SH3KBP1: variants seen among roughly 807,000 people sequenced by gnomAD.
The protein encoded by SH3KBP1 is SH3 domain-containing kinase-binding protein 1.
In SH3KBP1, 8 loss-of-function variants were observed where a neutral mutation model predicts 50.1. That is an observed-to-expected ratio of 0.16 (90% CI 0.09 to 0.29). The LOEUF is 0.29. SH3KBP1 is among the 10% of genes least tolerant of loss of function. SH3KBP1 has a pLI of 1.00. For synonymous variants in SH3KBP1, 227 were observed against 218.6 expected (o/e 1.04, Z -0.34); for missense variants, 377 against 535.2 (o/e 0.70, Z 2.92).
intron 7 of SH3KBP1, among the ~76,000 whole-genome samples, chrX:19,632,582 T>G (rs1371549979): frequency 2.7e-5 from 3 of 112,553 alleles, no homozygotes; most frequent in Non-Finnish European, 5.6e-5. Flanking sequence ...CCATGGCCTT[T>G]CTGTGGGAAC....
At chrX:19,673,544 C>T (rs1046703564) in intron 6 of SH3KBP1, among the ~76,000 whole-genome samples, 1 of 111,250 alleles carries the variant, frequency 9.0e-6, no homozygotes, top group Non-Finnish European at 1.9e-5. Flanking sequence ...ATGAGGTGGG[C>T]CCATCTGCCC....
chrX:19,557,793 T>C (rs991461557), intron 13 of SH3KBP1, among the ~76,000 whole-genome samples: 3 of 111,666 alleles, frequency 2.7e-5, no homozygotes, highest in African/African-American at 9.8e-5. Context: ...GGGTGGAAAA[T>C]AGCCACATTC....
At chrX:19,871,727 C>T (rs1457965244) in intron 1 of SH3KBP1, among the ~76,000 whole-genome samples, 2 of 111,353 alleles carry the variant, frequency 1.8e-5, no homozygotes, top group Non-Finnish European at 3.8e-5. Context: ...GCCACCCTTA[C>T]GTGGTGCCCT....
intron 6 of SH3KBP1, among the ~76,000 whole-genome samples, chrX:19,654,001 G>A (rs922469965): frequency 1.8e-5 from 2 of 110,795 alleles, no homozygotes; most frequent in Admixed American, 1.9e-4. Context: ...ATATTTATTT[G>A]TCTTTTAGGG....
intron 2 of SH3KBP1, among the ~76,000 whole-genome samples, chrX:19,822,871 C>T (rs1430067033): frequency 8.9e-6 from 1 of 112,144 alleles, no homozygotes; most frequent in Non-Finnish European, 1.9e-5. Flanking sequence ...AGAGCCCTTG[C>T]AGTACTATTC....
chrX:19,609,356 G>T (rs780788930), intron 8 of SH3KBP1, among the ~76,000 whole-genome samples: 1 of 111,524 alleles, frequency 9.0e-6, no homozygotes, highest in African/African-American at 3.3e-5. Context: ...AAAATTCCTT[G>T]AATAAAATCC....
rs1025651090 is a variant in SH3KBP1, at chrX:19,588,372, C to G, written c.1298+271G>C. ...TTCTAATAAGGCCCAGGAAAAACCC[C>G]TGTGTGTGAGCAGGGCCTAAATGCT... On this transcript the variant is annotated intron_variant, in intron 12 of 17. Transcript: ENST00000397821. 1.3e-5 allele frequency: 14 copies of G among 1,088,670 alleles called. No homozygotes were observed. In the African/African-American group the frequency reaches 2.2e-4, roughly 17 times the overall value. 89.7% of individuals were successfully genotyped at this position (1,088,670 alleles called of 1,213,427 possible). A position where few individuals can be genotyped will look rare whatever the true frequency, so the allele number is the denominator to read the frequency against.
rs140313361 is a variant in SH3KBP1 at position 19,667,023 on chromosome X, G to T, written c.726+16800C>A. The stretch of plus-strand genomic sequence containing the variant: ...TGAAATAATACTCAGCCTTAAAAAC[G>T]AAAGAAATTCTGATATGTGCCACAA... On this transcript the variant is annotated intron_variant, in intron 6 of 17. Coordinates refer to ENST00000397821, the MANE Select transcript of SH3KBP1 (RefSeq NM_031892.3). Among the ~76,000 whole-genome samples the T allele has an allele frequency of 7.9e-3, 891 of 112,169 alleles. 5 individuals carry two copies. The highest frequency in any genetic ancestry group is 0.011 in the Non-Finnish European group (585 of 53,198).
rs908407082 is a variant in SH3KBP1, at chrX:19,564,572, C to A, written c.1384+4531G>T. On this transcript the variant is annotated intron_variant, in intron 13 of 17. Transcript: ENST00000397821. ...TTCTCTCGCCTCTCTCTCTCTCTCC[C>A]CCCCCTTCCTCTTTCTCTCTCACAA... is the stretch of plus-strand genomic sequence containing the variant. 3.6e-5 allele frequency among the ~76,000 whole-genome samples: 4 copies of A among 110,069 alleles called. No homozygotes were observed. The South Asian group carries it at 1.2e-3, about 33-fold the overall frequency.
chrX:19,722,569 G>GGTGTGT lies in SH3KBP1; in HGVS notation c.287-15591_287-15586dup, dbSNP rs55675573. 3.7e-3 allele frequency among the ~76,000 whole-genome samples: 308 copies of GGTGTGT among 84,230 alleles called. 1 individual carries two copies. Among genetic ancestry groups the GGTGTGT allele is most frequent in the African/African-American group, 0.011 (248 of 21,636 alleles). 73.1% of individuals were successfully genotyped at this position (84,230 alleles called of 115,157 possible). A position where few individuals can be genotyped will look rare whatever the true frequency, so the allele number is the denominator to read the frequency against. On this transcript the variant is annotated intron_variant, in intron 3 of 17. Coordinates refer to ENST00000397821, the MANE Select transcript of SH3KBP1 (RefSeq NM_031892.3). ...GTGTGTGTGTGTGCGCGTGCGCACT[G>GGTGTGT]GTGTGTGTGTGTGTGTGTGTGTGTG...
At chrX:19,885,131 A>C (rs2069553470) in intron 1 of SH3KBP1, among the ~76,000 whole-genome samples, 1 of 110,836 alleles carries the variant, frequency 9.0e-6, no homozygotes, top group African/African-American at 3.3e-5. Context: ...AAAAAGAATA[A>C]AATTGCATCA....
intron 12 of SH3KBP1, among the ~76,000 whole-genome samples, chrX:19,587,034 C>G (rs2066589597): frequency 9.1e-6 from 1 of 110,052 alleles, no homozygotes. Flanking sequence ...ACCAGCCTGA[C>G]CAACATGGAG....
intron 2 of SH3KBP1, among the ~76,000 whole-genome samples, chrX:19,786,357 G>A (rs2066347588): frequency 8.9e-6 from 1 of 111,791 alleles, no homozygotes; most frequent in Non-Finnish European, 1.9e-5. Flanking sequence ...TAACGCTGAA[G>A]CTAGACGATG....
At chrX:19,609,949 C>G in intron 8 of SH3KBP1, among the ~76,000 whole-genome samples, 2 of 111,676 alleles carry the variant, frequency 1.8e-5, no homozygotes, top group African/African-American at 6.5e-5. Context: ...TAAGGCCCAC[C>G]TCAGGTAGCA....
chrX:19,824,262 T>C (rs1418110892), intron 2 of SH3KBP1, among the ~76,000 whole-genome samples: 2 of 112,486 alleles, frequency 1.8e-5, no homozygotes, highest in Non-Finnish European at 3.8e-5. Flanking sequence ...ATTAATACTT[T>C]ATCCATAAAG....
chrX:19,608,600 C>A (rs999775031), intron 8 of SH3KBP1, among the ~76,000 whole-genome samples: 4 of 112,067 alleles, frequency 3.6e-5, no homozygotes, highest in South Asian at 3.7e-4. Flanking sequence ...TGGGCCACTG[C>A]GCCCAGCCTT....
intron 1 of SH3KBP1, among the ~76,000 whole-genome samples, chrX:19,861,395 T>A (rs2068774271): frequency 9.2e-6 from 1 of 108,127 alleles, no homozygotes; most frequent in Non-Finnish European, 1.9e-5. Context: ...AAATAAAAAA[T>A]AAATAAAAAT....
chrX:19,795,896 AT>A (rs2066695121), intron 2 of SH3KBP1, among the ~76,000 whole-genome samples: 1 of 112,181 alleles, frequency 8.9e-6, no homozygotes, highest in Non-Finnish European at 1.9e-5. Context: ...TGCCATAAAA[AT>A]TCTTTTTAAT....
At chrX:19,815,257 T>A (rs1293953747) in intron 2 of SH3KBP1, among the ~76,000 whole-genome samples, 5 of 111,462 alleles carry the variant, frequency 4.5e-5, no homozygotes. Flanking sequence ...TTTTTAAAGC[T>A]CCTTGGGCGA....
Sources: gnomAD v4.1 joint callset for allele counts (sites outside exome capture counted in the v4.1 genomes callset) on GRCh38, gnomAD v4.1.1 for gene constraint, MANE v1.5 for transcripts, NCBI Gene and HGNC (gene_info 2026-07-23, HGNC 2026-07-21) for gene names.